NT5C1A: variants seen among roughly 807,000 people sequenced by gnomAD.
The protein encoded by NT5C1A is cytosolic 5'-nucleotidase 1A.
NT5C1A carries 18 observed loss-of-function variants against 31.0 expected under a neutral mutation model. The observed-to-expected ratio is 0.58, with a 90% CI of 0.40 to 0.86. NT5C1A has a LOEUF of 0.86. NT5C1A is among the 40% of genes least tolerant of loss of function. The probability of loss-of-function intolerance (pLI) is 0.00; values close to 1 mark genes in which losing one functional copy is unlikely to be tolerated. For missense variants in NT5C1A, 470 were observed against 505.4 expected (o/e 0.93, Z 0.67); for synonymous variants, 185 against 203.6 (o/e 0.91, Z 0.78).
At chr1:39,665,723 G>A (rs2124159786) in intron 2 of NT5C1A, 73 bp from the exon 3 acceptor site, 1 of 1,426,836 alleles carries the variant, frequency 7.0e-7, no homozygotes, top group East Asian at 2.3e-5. Context: ...CAAGGATTCA[G>A]TGAGGGGAGG....
intron 2 of NT5C1A, 100 bp from the exon 3 acceptor site, chr1:39,665,750 G>C (rs1468117518): frequency 8.0e-7 from 1 of 1,246,676 alleles, no homozygotes; most frequent in Admixed American, 2.0e-5. Flanking sequence ...GCCATGCTTG[G>C]GATGAGATAA....
At position 39,666,439 on chromosome 1, in the gene NT5C1A, G is replaced by T. The variant is rs548981634; in HGVS notation, c.136-203C>A. On this transcript the variant is annotated intron_variant, in intron 1 of 5. Transcript: ENST00000235628. ...CAGATGGGGGTTGAGAGAGGTGCTG[G>T]CTCCCTTGCTGGAAGCACAATCTGA... Among the ~76,000 whole-genome samples the T allele has an allele frequency of 2.0e-5, 3 of 152,344 alleles. No homozygotes were observed. In the East Asian group the frequency reaches 5.8e-4, roughly 29 times the overall value.
chr1:39,663,981 A>G (rs1557745793), intron 3 of NT5C1A, among the ~76,000 whole-genome samples: 1 of 152,072 alleles, frequency 6.6e-6, no homozygotes, highest in Non-Finnish European at 1.5e-5. Flanking sequence ...CACTATAGGG[A>G]GAGTCTGTCC....
chr1:39,665,405 A>T, intron 3 of NT5C1A, 116 bp downstream of exon 3: 1 of 964,394 alleles, frequency 1.0e-6, no homozygotes, highest in Non-Finnish European at 1.4e-6. Flanking sequence ...ACCAGCACAC[A>T]CTGGACTTGG....
rs1553485419 is a variant in NT5C1A, at chr1:39,664,490, C to CCCTCTCCTCTCCTCTCCTCTCCTCTCCT, written c.433+1030_433+1031insAGGAGAGGAGAGGAGAGGAGAGGAGAGG. On this transcript the variant is annotated intron_variant, in intron 3 of 5. Transcript: ENST00000235628. ...CTCTCTCTCCCCAGAGTGGATTTCTCCTCCTCTCCTCTCCTCTCCTCTCCT... is the reference window on the plus strand; with the variant it reads ...CTCTCTCTCCCCAGAGTGGATTTCTCCCTCTCCTCTCCTCTCCTCTCCTCTCCTCTCCTCTCCTCTCCTCTCCTCTCCT... 2.8e-3 allele frequency among the ~76,000 whole-genome samples: 8 copies of CCCTCTCCTCTCCTCTCCTCTCCTCTCCT among 2,900 alleles called. 1 individual carries two copies. Among genetic ancestry groups the CCCTCTCCTCTCCTCTCCTCTCCTCTCCT allele is most frequent in the Admixed American group, 8.8e-3 (2 of 226 alleles). 1.9% of individuals were successfully genotyped at this position (2,900 alleles called of 152,430 possible). A position where few individuals can be genotyped will look rare whatever the true frequency, so the allele number is the denominator to read the frequency against.
intron 4 of NT5C1A, 81 bp from the exon 5 acceptor site, chr1:39,661,344 C>A: frequency 1.5e-6 from 1 of 676,070 alleles, no homozygotes; most frequent in South Asian, 1.9e-5. Flanking sequence ...TATCCTTGCC[C>A]CACCTGCCTC....
At chr1:39,666,323 A>T (rs1420821392) in intron 1 of NT5C1A, 87 bp from the exon 2 acceptor site, 8 of 1,357,208 alleles carry the variant, frequency 5.9e-6, no homozygotes, top group Non-Finnish European at 8.2e-6. Flanking sequence ...GGTAGTGAGG[A>T]CATGGAGAAG....
chr1:39,666,794 T>C (rs930554558), intron 1 of NT5C1A, among the ~76,000 whole-genome samples: 1 of 152,132 alleles, frequency 6.6e-6, no homozygotes, highest in African/African-American at 2.4e-5. Context: ...CCAAACCTGA[T>C]CCCTTCTCCC....
chr1:39,664,515 T>TCTCCC (rs1646511027), intron 3 of NT5C1A, among the ~76,000 whole-genome samples: 1 of 80,626 alleles, frequency 1.2e-5, no homozygotes, highest in Non-Finnish European at 2.4e-5. Flanking sequence ...TCTCCTCTCC[T>TCTCCC]TTCCATCTCA....
chr1:39,671,533 T>A (rs1230965292), intron 1 of NT5C1A, among the ~76,000 whole-genome samples: 3 of 152,218 alleles, frequency 2.0e-5, no homozygotes, highest in Non-Finnish European at 4.4e-5. Context: ...GGAACCGGGT[T>A]CCCAAAGTCT....
Position 39,672,099 on chromosome 1 carries a change from G to C in NT5C1A, c.-61C>G. On this transcript the variant is annotated 5_prime_UTR_variant, in exon 1 of 6. Transcript: ENST00000235628. ...GCGGCGTAGACGCGGAGGTGGCTGG[G>C]GCTGGGCTGCAGGAGGGAGGCGAGT... 1 of 1,436,950 alleles carries C rather than the reference G, an allele frequency of 7.0e-7. No individual in the cohort carries two copies. The highest frequency in any genetic ancestry group is 9.2e-7 in the Non-Finnish European group (1 of 1,089,406). 89.0% of individuals were successfully genotyped at this position (1,436,950 alleles called of 1,614,324 possible). A position where few individuals can be genotyped will look rare whatever the true frequency, so the allele number is the denominator to read the frequency against.
intron 5 of NT5C1A, among the ~76,000 whole-genome samples, chr1:39,659,901 A>G (rs905138153): frequency 5.3e-5 from 8 of 152,288 alleles, no homozygotes; most frequent in Admixed American, 6.5e-5. Context: ...AGATGGACCA[A>G]TGTGTAAGTG....
Position 39,652,030 on chromosome 1 carries a change from C to CAAAAAAAAAAAAAAAAAAAAAAAAA in NT5C1A, c.*7066_*7090dup. On this transcript the variant is annotated 3_prime_UTR_variant, in exon 6 of 6. Coordinates refer to ENST00000235628, the MANE Select transcript of NT5C1A (RefSeq NM_032526.3). Reference sequence around the variant, plus strand: ...TGAGTGACAGAGCAAGACTCCGTCTCAAAAAAAAAAAAAAAAAAAAAAAAA... The same window carrying CAAAAAAAAAAAAAAAAAAAAAAAAA: ...TGAGTGACAGAGCAAGACTCCGTCTCAAAAAAAAAAAAAAAAAAAAAAAAAAAAAAAAAAAAAAAAAAAAAAAAAA... 2.6e-5 allele frequency among the ~76,000 whole-genome samples: 1 copy of CAAAAAAAAAAAAAAAAAAAAAAAAA among 37,804 alleles called. No homozygotes were observed. The highest frequency in any genetic ancestry group is 5.4e-5 in the Non-Finnish European group (1 of 18,464). The allele number at this position is 37,804 out of a possible 152,430, so 24.8% of individuals were successfully genotyped here.
In NT5C1A at chr1:39,657,281, C is replaced by T. The variant is rs1407112482; in HGVS notation, c.*1840G>A. On this transcript the variant is annotated 3_prime_UTR_variant, in exon 6 of 6. Coordinates refer to ENST00000235628, the MANE Select transcript of NT5C1A (RefSeq NM_032526.3). ...TTTGAGAACCGTCTCTGCCTTCTCA[C>T]TTTGTTCTCCTTCCTGGAATATCTT... Among the ~76,000 whole-genome samples, 1 of 152,210 alleles carries T rather than the reference C, an allele frequency of 6.6e-6. No individual in the cohort carries two copies. The highest frequency in any genetic ancestry group is 1.5e-5 in the Non-Finnish European group (1 of 68,038).
chr1:39,667,472 G>A (rs891813622), intron 1 of NT5C1A, among the ~76,000 whole-genome samples: 17 of 152,126 alleles, frequency 1.1e-4, no homozygotes, highest in Admixed American at 1.0e-3. Flanking sequence ...CAGTCCTGGG[G>A]TCCTGATTCC....
intron 3 of NT5C1A, 88 bp from the exon 4 acceptor site, chr1:39,663,522 G>A: frequency 7.2e-7 from 1 of 1,384,016 alleles, no homozygotes; most frequent in East Asian, 2.4e-5. Flanking sequence ...CACCATCCTA[G>A]TTCTGGGTGT....
intron 3 of NT5C1A, 26 bp downstream of exon 3, chr1:39,665,495 C>T (rs753791633): frequency 1.9e-6 from 3 of 1,593,644 alleles, no homozygotes; most frequent in East Asian, 2.3e-5. Flanking sequence ...CCAGGGCAAA[C>T]CCCCCATCCT....
rs777387616 is a variant in NT5C1A, at chr1:39,671,975, C to A, written c.64G>T (p.Ala22Ser). 63 of 1,611,520 alleles carry A rather than the reference C, an allele frequency of 3.9e-5. No homozygotes were observed. Among genetic ancestry groups the A allele is most frequent in the Non-Finnish European group, 4.7e-5 (55 of 1,179,710 alleles). ...GCTTCCTCCCAGACCGGGGCCGCAG[C>A]GGTCTCCGCTCCTGGCCCGGGCTCG... Reference protein sequence around the residue: ...PREPGPGAETAAAPVWEEAKI... With the variant: ...PREPGPGAETSAAPVWEEAKI... The change falls in exon 1 of 6, where the codon GCT becomes TCT. Residue 22 changes from alanine to serine, a missense_variant. Physicochemically the swap from Ala to Ser is moderately conservative, Grantham distance 99 (BLOSUM62 1). Coordinates refer to ENST00000235628, the MANE Select transcript of NT5C1A (RefSeq NM_032526.3).
rs184030632 is a variant in NT5C1A at position 39,659,832 on chromosome 1, G to A, written c.742-346C>T. 1.2e-3 allele frequency among the ~76,000 whole-genome samples: 176 copies of A among 152,264 alleles called. 1 individual carries two copies. Among genetic ancestry groups the A allele is most frequent in the African/African-American group, 4.1e-3 (169 of 41,530 alleles). ...ACAGGGGGGATATTAAAACCATTTA[G>A]TAACTATGGCATGGGCGCCCTCCAA... is the stretch of plus-strand genomic sequence containing the variant. On this transcript the variant is annotated intron_variant, in intron 5 of 5. Coordinates refer to ENST00000235628, the MANE Select transcript of NT5C1A (RefSeq NM_032526.3).
Sources: allele counts gnomAD v4.1 joint callset (sites outside exome capture counted in the v4.1 genomes callset), GRCh38; gene constraint gnomAD v4.1.1; transcripts MANE v1.5; gene names NCBI Gene and HGNC (gene_info 2026-07-23, HGNC 2026-07-21).